CNKSR2: variants seen among roughly 807,000 people sequenced by gnomAD.
The protein encoded by CNKSR2 is CNK homolog protein 2.
CNKSR2 carries 14 observed loss-of-function variants against 84.4 expected under a neutral mutation model. The observed-to-expected ratio is 0.17, with a 90% CI of 0.11 to 0.26. The LOEUF (loss-of-function observed/expected upper bound fraction) is 0.26, where lower values mean the gene tolerates loss of function less well. Among genes scored for constraint, CNKSR2 ranks in the 10% least tolerant of loss-of-function variants. CNKSR2 has a pLI of 1.00. For missense variants in CNKSR2, 485 were observed against 771.2 expected (o/e 0.63, Z 4.40); for synonymous variants, 275 against 277.9 (o/e 0.99, Z 0.10).
At chrX:21,456,682 C>T (rs2090999438) in intron 4 of CNKSR2, among the ~76,000 whole-genome samples, 1 of 111,475 alleles carries the variant, frequency 9.0e-6, no homozygotes, top group African/African-American at 3.3e-5. Context: ...CAATGGGAAA[C>T]CAGACATCTT....
intron 8 of CNKSR2, chrX:21,503,317 T>G (rs2091578212): frequency 3.4e-6 from 1 of 293,616 alleles, no homozygotes; most frequent in South Asian, 2.1e-4. Flanking sequence ...GCTCTGAAAT[T>G]GACTTATGGC....
chrX:21,598,488 T>A (rs2092462764), intron 17 of CNKSR2, among the ~76,000 whole-genome samples: 1 of 111,798 alleles, frequency 8.9e-6, no homozygotes, highest in Non-Finnish European at 1.9e-5. Context: ...AGGTTCAATA[T>A]CACCTTACCT....
chrX:21,538,330 G>T (rs1439666004), intron 11 of CNKSR2: 1 of 111,580 alleles, frequency 9.0e-6, no homozygotes, highest in Non-Finnish European at 1.9e-5. Flanking sequence ...CTTTTTATGT[G>T]ATCTGACACT....
At chrX:21,470,316 A>G (rs1197767221) in intron 4 of CNKSR2, among the ~76,000 whole-genome samples, 1 of 111,760 alleles carries the variant, frequency 8.9e-6, no homozygotes, top group Non-Finnish European at 1.9e-5. Context: ...TTGAAAATAT[A>G]AAAGTATTTG....
chrX:21,578,131 C>T (rs1433403517), intron 13 of CNKSR2, among the ~76,000 whole-genome samples: 1 of 111,204 alleles, frequency 9.0e-6, no homozygotes, highest in Non-Finnish European at 1.9e-5. Flanking sequence ...TCTACAAATA[C>T]CAGGGTAATT....
At chrX:21,399,700 A>G (rs1451921516) in intron 1 of CNKSR2, among the ~76,000 whole-genome samples, 4 of 111,411 alleles carry the variant, frequency 3.6e-5, no homozygotes, top group Non-Finnish European at 7.6e-5. Flanking sequence ...TTGTACTTCC[A>G]AAGAATAGGC....
intron 11 of CNKSR2, among the ~76,000 whole-genome samples, chrX:21,536,942 A>G (rs1173230454): frequency 1.1e-5 from 1 of 94,331 alleles, no homozygotes; most frequent in African/African-American, 3.9e-5. Flanking sequence ...TTTTTTTCCT[A>G]ATTTTTTGAA....
chrX:21,528,164 A>G (rs1402684450), intron 10 of CNKSR2, among the ~76,000 whole-genome samples: 1 of 111,162 alleles, frequency 9.0e-6, no homozygotes, highest in Non-Finnish European at 1.9e-5. Flanking sequence ...TGTTCAATTT[A>G]CAAGCAAATA....
chrX:21,435,853 C>T (rs1019240072), intron 3 of CNKSR2, among the ~76,000 whole-genome samples: 6 of 111,056 alleles, frequency 5.4e-5, no homozygotes, highest in African/African-American at 2.0e-4. Flanking sequence ...CAGTAATACC[C>T]AATTCTGAGA....
At chrX:21,499,430 T>G (rs2091536486) in intron 7 of CNKSR2, among the ~76,000 whole-genome samples, 1 of 111,085 alleles carries the variant, frequency 9.0e-6, no homozygotes, top group Non-Finnish European at 1.9e-5. Flanking sequence ...AGAGAAAGAA[T>G]CACAGAAATG....
At chrX:21,479,601 T>G (rs2147161571) in intron 5 of CNKSR2, among the ~76,000 whole-genome samples, 1 of 111,048 alleles carries the variant, frequency 9.0e-6, no homozygotes. Context: ...AAGAAATACC[T>G]GCAAACAGGT....
intron 3 of CNKSR2, among the ~76,000 whole-genome samples, chrX:21,439,392 A>G (rs1317788164): frequency 9.0e-6 from 1 of 110,964 alleles, no homozygotes; most frequent in African/African-American, 3.3e-5. Context: ...CTGAATGCTT[A>G]TATATATCAG....
intron 1 of CNKSR2, among the ~76,000 whole-genome samples, chrX:21,375,913 C>T (rs2089806375): frequency 9.0e-6 from 1 of 111,584 alleles, no homozygotes; most frequent in African/African-American, 3.3e-5. Context: ...GAGGACTCCC[C>T]CACCCACCAA....
At chrX:21,415,871 C>CATAT (rs1208187718) in intron 1 of CNKSR2, among the ~76,000 whole-genome samples, 15 of 54,664 alleles carry the variant, frequency 2.7e-4, no homozygotes, top group African/African-American at 6.8e-4. Flanking sequence ...CACACACACA[C>CATAT]ATATATATAT....
chrX:21,403,519 A>G (rs931874833), intron 1 of CNKSR2, among the ~76,000 whole-genome samples: 2 of 111,625 alleles, frequency 1.8e-5, no homozygotes, highest in Admixed American at 1.9e-4. Context: ...TACTGTGACT[A>G]TGACTGATGA....
chrX:21,646,892 A>G (rs2092708157), intron 20 of CNKSR2, among the ~76,000 whole-genome samples: 1 of 112,024 alleles, frequency 8.9e-6, no homozygotes, highest in South Asian at 3.7e-4. Flanking sequence ...AAATAGACTT[A>G]TGCTGTTTAA....
chrX:21,480,834 A>AAATTAT (rs1270668972), intron 5 of CNKSR2, among the ~76,000 whole-genome samples: 9 of 112,100 alleles, frequency 8.0e-5, no homozygotes, highest in African/African-American at 2.9e-4. Context: ...ATTATCTTAA[A>AAATTAT]GTGTAATTTT....
intron 1 of CNKSR2, among the ~76,000 whole-genome samples, chrX:21,393,665 CTT>C (rs1370901442): frequency 8.9e-6 from 1 of 112,301 alleles, no homozygotes; most frequent in Non-Finnish European, 1.9e-5. Flanking sequence ...ATTTGCATGA[CTT>C]ATGAAATGCA....
chrX:21,566,568 A>C (rs1569246123), intron 13 of CNKSR2, among the ~76,000 whole-genome samples: 1 of 111,879 alleles, frequency 8.9e-6, no homozygotes, highest in Non-Finnish European at 1.9e-5. Context: ...GTGGAAGAGG[A>C]CTATGAAGAT....
Sources: allele counts gnomAD v4.1 joint callset (sites outside exome capture counted in the v4.1 genomes callset), GRCh38; gene constraint gnomAD v4.1.1; transcripts MANE v1.5; gene names NCBI Gene and HGNC (gene_info 2026-07-23, HGNC 2026-07-21).